Variants in STK32A observed in about 807,000 individuals in gnomAD.
STK32A encodes serine/threonine kinase 32A, also known as serine/threonine-protein kinase 32A.
In STK32A, 41 loss-of-function variants were observed where a neutral mutation model predicts 53.2. That is an observed-to-expected ratio of 0.77 (90% confidence interval 0.60 to 1.00). The LOEUF is 1.00. Among genes scored for constraint, STK32A ranks in the 50% least tolerant of loss-of-function variants. STK32A has a pLI of 0.00. For missense variants in STK32A, 458 were observed against 485.8 expected, an observed-to-expected ratio of 0.94 and a Z score of 0.54; for synonymous variants, 166 against 162.8, an observed-to-expected ratio of 1.02 and a Z score of -0.15.
Position 147,261,760 on chromosome 5 carries a change from T to C in STK32A, c.53-16364T>C, listed in dbSNP as rs138468575. On this transcript the variant is annotated intron_variant, in intron 2 of 12. Transcript: ENST00000397936. ...TATTTAGAAGAAATCTAATTCTTAA[T>C]ATGGAATTCACAAGTAGGATTATGA... 2.8e-3 allele frequency among the ~76,000 whole-genome samples: 432 copies of C among 152,326 alleles called. 1 individual carries two copies. The highest frequency in any genetic ancestry group is 0.01 in the African/African-American group (416 of 41,580).
intron 10 of STK32A, among the ~76,000 whole-genome samples, chr5:147,374,217 G>T (rs575785662): frequency 7.0e-6 from 1 of 143,674 alleles, no homozygotes; most frequent in African/African-American, 2.7e-5. Flanking sequence ...AAGCCCAGGA[G>T]TTTGAGGCTG....
intron 2 of STK32A, among the ~76,000 whole-genome samples, chr5:147,256,385 T>C (rs537245372): frequency 6.6e-6 from 1 of 152,350 alleles, no homozygotes; most frequent in South Asian, 2.1e-4. Context: ...CCATGCCTGG[T>C]TGACTGGAGG....
At chr5:147,280,174 C>T (rs1398980425) in intron 4 of STK32A, among the ~76,000 whole-genome samples, 2 of 151,922 alleles carry the variant, frequency 1.3e-5, no homozygotes, top group Non-Finnish European at 2.9e-5. Flanking sequence ...GGGAGAGGAG[C>T]GGGGGTAAAA....
chr5:147,396,609 A>G, the STK32A span, among the ~76,000 whole-genome samples: 1 of 152,092 alleles, frequency 6.6e-6, no homozygotes, highest in Non-Finnish European at 1.5e-5. Context: ...GAGCCCATCA[A>G]ATGTGCAGAT....
At chr5:147,282,315 C>A (rs189183000) in intron 4 of STK32A, among the ~76,000 whole-genome samples, 35 of 152,184 alleles carry the variant, frequency 2.3e-4, no homozygotes, top group Admixed American at 8.5e-4. Context: ...GAACACACAC[C>A]CCCACTGGAG....
rs73794398 is a variant in STK32A, at chr5:147,279,637, G to C, written c.260+239G>C. 3.0e-4 allele frequency among the ~76,000 whole-genome samples: 46 copies of C among 152,294 alleles called. No homozygotes were observed. The East Asian group carries it at 7.7e-3, about 26-fold the overall frequency. On this transcript the variant is annotated intron_variant, in intron 4 of 12. Transcript: ENST00000397936. ...TGAACTCCAGCGAATGTCATGTAAG[G>C]GGGGGTTTGAGGCTGCTGCCATAAT...
intron 6 of STK32A, chr5:147,348,671 T>C (rs1755807521): frequency 1.3e-6 from 1 of 768,866 alleles, no homozygotes; most frequent in Non-Finnish European, 2.4e-6. Context: ...GAATCACCTG[T>C]GGAATTTGTT....
intron 5 of STK32A, among the ~76,000 whole-genome samples, chr5:147,336,922 G>A (rs1312243633): frequency 6.6e-6 from 1 of 152,190 alleles, no homozygotes; most frequent in Non-Finnish European, 1.5e-5. Context: ...ACCATCAAAA[G>A]GCCATGGGAC....
At chr5:147,282,424 A>G (rs1752109636) in intron 4 of STK32A, among the ~76,000 whole-genome samples, 1 of 152,190 alleles carries the variant, frequency 6.6e-6, no homozygotes, top group Non-Finnish European at 1.5e-5. Flanking sequence ...TGATGAATGC[A>G]ACGGTACCTC....
intron 8 of STK32A, among the ~76,000 whole-genome samples, chr5:147,370,209 G>T (rs1461273699): frequency 1.3e-5 from 2 of 152,028 alleles, no homozygotes; most frequent in African/African-American, 2.4e-5. Context: ...TCATTATGTT[G>T]CAGTGAAAGG....
chr5:147,261,881 T>A (rs1754588516), intron 2 of STK32A, among the ~76,000 whole-genome samples: 1 of 140,132 alleles, frequency 7.1e-6, no homozygotes, highest in African/African-American at 2.7e-5. Flanking sequence ...GTCCATGCTA[T>A]CCCCCCCAAG....
chr5:147,365,651 TACTC>T (rs1756709889), intron 8 of STK32A, among the ~76,000 whole-genome samples: 1 of 152,200 alleles, frequency 6.6e-6, no homozygotes, highest in Non-Finnish European at 1.5e-5. Flanking sequence ...CCAGCCAATT[TACTC>T]ACCTTCTGTG....
chr5:147,310,297 G>A (rs79534289), intron 4 of STK32A, among the ~76,000 whole-genome samples: 1,641 of 152,278 alleles, frequency 0.011, 32 homozygotes, highest in African/African-American at 0.037. Flanking sequence ...GGATGAAGGC[G>A]TGAAGGCTGA....
At chr5:147,295,989 G>A (rs1752848601) in intron 4 of STK32A, among the ~76,000 whole-genome samples, 1 of 152,222 alleles carries the variant, frequency 6.6e-6, no homozygotes. Flanking sequence ...TTAAACCAAT[G>A]TTAAATTTCT....
the STK32A span, chr5:147,393,940 G>A: frequency 2.0e-5 from 25 of 1,269,182 alleles, no homozygotes; most frequent in Non-Finnish European, 2.7e-5. Context: ...GATCACAACC[G>A]TTTGGATTCG....
intron 4 of STK32A, among the ~76,000 whole-genome samples, chr5:147,291,237 GT>G: frequency 6.6e-6 from 1 of 152,230 alleles, no homozygotes; most frequent in South Asian, 2.1e-4. Context: ...AACTTAAGCA[GT>G]TTTGGCTCCT....
intron 4 of STK32A, among the ~76,000 whole-genome samples, chr5:147,282,313 A>C (rs1305661576): frequency 6.6e-6 from 1 of 152,024 alleles, no homozygotes; most frequent in African/African-American, 2.4e-5. Context: ...CTGAACACAC[A>C]CCCCCACTGG....
At chr5:147,313,438 G>C (rs1753803210) in intron 4 of STK32A, among the ~76,000 whole-genome samples, 1 of 152,172 alleles carries the variant, frequency 6.6e-6, no homozygotes, top group African/African-American at 2.4e-5. Context: ...ATTTCCTAGT[G>C]TGGTTTGCTC....
the STK32A span, chr5:147,401,616 C>T: frequency 2.5e-6 from 4 of 1,614,064 alleles, no homozygotes; most frequent in Non-Finnish European, 3.4e-6. Flanking sequence ...AATGCAGCCG[C>T]CTTGGCCCAG....
Sources: allele counts gnomAD v4.1 joint callset (sites outside exome capture counted in the v4.1 genomes callset), GRCh38; gene constraint gnomAD v4.1.1; transcripts MANE v1.5; gene names NCBI Gene and HGNC (gene_info 2026-07-23, HGNC 2026-07-21).